Variants in ERO1A observed in about 807,000 individuals in gnomAD.
ERO1A encodes ERO1-like protein alpha.
ERO1A carries 49 observed loss-of-function variants against 76.9 expected under a neutral mutation model. The ratio of observed to expected loss-of-function variants is 0.64; its 90% CI spans 0.51 to 0.81. The LOEUF (loss-of-function observed/expected upper bound fraction) is 0.81. ERO1A is among the 30% of genes least tolerant of loss of function. ERO1A has a pLI of 0.00. For synonymous variants in ERO1A, 174 were observed against 181.2 expected (o/e 0.96, Z 0.32); for missense variants, 448 against 542.1 (o/e 0.83, Z 1.72).
rs761716281 is a variant in ERO1A at position 52,653,308 on chromosome 14, C to A, written c.816G>T (p.Trp272Cys). 6.3e-7 allele frequency: 1 copy of A among 1,590,874 alleles called. No homozygotes were observed. The highest frequency in any genetic ancestry group is 8.5e-7 in the Non-Finnish European group (1 of 1,171,468). Residue 272 changes from tryptophan to cysteine, a missense_variant, in exon 12 of 16, where the codon TGG becomes TGT. By Grantham distance (215) the Trp-to-Cys change is radical (BLOSUM62 -2). Coordinates refer to ENST00000395686, the MANE Select transcript of ERO1A (RefSeq NM_014584.3). ...LSARYLLQET[W>C]LEKKWGHNIT... is the part of the protein sequence containing the mutation. ...TGTTGTGTCCCCATTTCTTTTCTAA[C>A]CAGGTCTCTAAGAAGGAAGAAGAAT...
At chr14:52,656,193 ATAAGAT>A (rs1175323906) in intron 11 of ERO1A, among the ~76,000 whole-genome samples, 5 of 152,184 alleles carry the variant, frequency 3.3e-5, no homozygotes, top group African/African-American at 1.2e-4. Flanking sequence ...CTCTACTTCA[ATAAGAT>A]TAAGTTTTTT....
At chr14:52,685,527 C>T (rs1480294133) in intron 1 of ERO1A, among the ~76,000 whole-genome samples, 1 of 152,120 alleles carries the variant, frequency 6.6e-6, no homozygotes, top group East Asian at 1.9e-4. Flanking sequence ...GCTGTTTCTC[C>T]CCTTTGATAT....
chr14:52,656,711 CA>C (rs34369320), intron 11 of ERO1A, among the ~76,000 whole-genome samples: 44,661 of 103,566 alleles, frequency 0.43, 6,968 homozygotes, highest in Middle Eastern at 0.56. Context: ...GACTCTGTCT[CA>C]AAAAAAAAAA....
intron 6 of ERO1A, among the ~76,000 whole-genome samples, chr14:52,670,590 C>G (rs975252188): frequency 1.3e-5 from 2 of 152,158 alleles, no homozygotes; most frequent in Non-Finnish European, 2.9e-5. Flanking sequence ...ACAGCAGCAG[C>G]ACTCTGGCTT....
At chr14:52,654,583 C>A (rs536213207) in intron 11 of ERO1A, among the ~76,000 whole-genome samples, 3 of 152,190 alleles carry the variant, frequency 2.0e-5, no homozygotes, top group Admixed American at 2.0e-4. Context: ...GTAACGGATG[C>A]TCCATGATAA....
At position 52,695,510 on chromosome 14, in the gene ERO1A, C is replaced by G. The variant is rs2041528679; in HGVS notation, c.-29G>C. 1 of 1,441,952 alleles carries G rather than the reference C, an allele frequency of 6.9e-7. No homozygotes were observed. The highest frequency in any genetic ancestry group is 2.3e-5 in the Admixed American group (1 of 43,606). 89.3% of individuals were successfully genotyped at this position (1,441,952 alleles called of 1,614,324 possible). ...AGCTCCGGCAGCTTGTCGCCCCACG[C>G]TTGGGAGGCCAGTCCGCACGCTCGG... On this transcript the variant is annotated 5_prime_UTR_variant, in exon 1 of 16. Transcript: ENST00000395686.
chr14:52,677,544 G>C (rs1410548905), intron 4 of ERO1A, among the ~76,000 whole-genome samples: 1 of 152,020 alleles, frequency 6.6e-6, no homozygotes, highest in Non-Finnish European at 1.5e-5. Context: ...TGGGATCCTA[G>C]AACAGGTAAA....
Position 52,695,519 on chromosome 14 carries a change from C to T in ERO1A, c.-38G>A. ...AGCTTGTCGCCCCACGCTTGGGAGG[C>T]CAGTCCGCACGCTCGGTCGCGGGCC... On this transcript the variant is annotated 5_prime_UTR_variant, in exon 1 of 16. Transcript: ENST00000395686. 22 of 1,403,368 alleles carry T rather than the reference C, an allele frequency of 1.6e-5. No homozygotes were observed. The highest frequency in any genetic ancestry group is 2.1e-5 in the Non-Finnish European group (22 of 1,051,990). The allele number at this position is 1,403,368 out of a possible 1,614,324, so 86.9% of individuals were successfully genotyped here.
chr14:52,652,258 T>C lies in ERO1A; in HGVS notation c.1106A>G (p.Lys369Arg), dbSNP rs779210741. 6.2e-7 allele frequency: 1 copy of C among 1,608,764 alleles called. No homozygotes were observed. The highest frequency in any genetic ancestry group is 1.1e-5 in the South Asian group (1 of 90,928). Residue 369 changes from lysine to arginine, a missense_variant, in exon 13 of 16, where the codon AAA becomes AGA. Physicochemically the swap from Lys to Arg is conservative, Grantham distance 26. This residue lies in a region of ERO1A where 302 missense variants were observed against 411.9 expected (regional missense o/e 0.73). Transcript: ENST00000395686. ...DENSFFAGDK[K>R]EAHKLKEDFR... ...AATTACCTTTAGTTTGTGTGCTTCTTTTTTATCCCCAGCAAAAAATGAATT... is the reference window on the plus strand; with the variant it reads ...AATTACCTTTAGTTTGTGTGCTTCTCTTTTATCCCCAGCAAAAAATGAATT...
At chr14:52,685,674 G>A (rs1344683397) in intron 1 of ERO1A, among the ~76,000 whole-genome samples, 3 of 152,078 alleles carry the variant, frequency 2.0e-5, no homozygotes, top group African/African-American at 2.4e-5. Context: ...TCTTCCCCCT[G>A]AGGAATTCAT....
At chr14:52,659,433 T>A (rs182364983) in intron 9 of ERO1A, among the ~76,000 whole-genome samples, 244 of 152,314 alleles carry the variant, frequency 1.6e-3, no homozygotes, top group Non-Finnish European at 2.7e-3. Context: ...GAAGCGTATC[T>A]GGTAGTAACT....
At chr14:52,686,936 A>G (rs1008333047) in intron 1 of ERO1A, among the ~76,000 whole-genome samples, 3 of 152,282 alleles carry the variant, frequency 2.0e-5, no homozygotes, top group East Asian at 1.9e-4. Flanking sequence ...CTTAACTACA[A>G]CCACAGGTAG....
intron 4 of ERO1A, among the ~76,000 whole-genome samples, chr14:52,673,265 AT>A (rs987022153): frequency 2.0e-5 from 3 of 151,818 alleles, no homozygotes; most frequent in African/African-American, 7.2e-5. Context: ...AATTTTTTAA[AT>A]TTTTTTAGAT....
At chr14:52,672,669 T>A (rs146548360) in intron 4 of ERO1A, among the ~76,000 whole-genome samples, 1 of 150,706 alleles carries the variant, frequency 6.6e-6, no homozygotes. Flanking sequence ...ACTCAGGAAG[T>A]TGAGGTGGCA....
rs1444907689 is a variant in ERO1A, at chr14:52,646,065, G to C, written c.1346+89C>G. 1.8e-5 allele frequency: 25 copies of C among 1,353,860 alleles called. No homozygotes were observed. The East Asian group carries it at 5.2e-4, about 28-fold the overall frequency. 83.9% of individuals were successfully genotyped at this position (1,353,860 alleles called of 1,614,324 possible). A position where few individuals can be genotyped will look rare whatever the true frequency, so the allele number is the denominator to read the frequency against. On this transcript the variant is annotated intron_variant, in intron 15 of 15. Coordinates refer to ENST00000395686, the MANE Select transcript of ERO1A (RefSeq NM_014584.3). ...ATAAATAAACAAATAAAATAAAAAG[G>C]ATATTCCTTACCCAGTTTTTTCTGA...
chr14:52,658,351 G>A, intron 9 of ERO1A: 1 of 523,792 alleles, frequency 1.9e-6, no homozygotes, highest in Non-Finnish European at 3.4e-6. Context: ...CTGCTGCTTG[G>A]TCTTTAAAAG....
At chr14:52,656,756 C>T (rs1419589351) in intron 11 of ERO1A, among the ~76,000 whole-genome samples, 1 of 150,320 alleles carries the variant, frequency 6.7e-6, no homozygotes, top group Non-Finnish European at 1.5e-5. Context: ...TGAGTTTAAA[C>T]CGCCATTTAA....
chr14:52,687,824 C>T (rs111705167), intron 1 of ERO1A, among the ~76,000 whole-genome samples: 1 of 152,084 alleles, frequency 6.6e-6, no homozygotes, highest in Non-Finnish European at 1.5e-5. Context: ...GATAAGAAGG[C>T]CCCAGTTGAG....
chr14:52,679,291 C>T (rs2040907044), intron 3 of ERO1A, among the ~76,000 whole-genome samples: 1 of 152,180 alleles, frequency 6.6e-6, no homozygotes, highest in Admixed American at 6.5e-5. Flanking sequence ...TCTGCTATTC[C>T]ACACTCCCCA....
Sources: allele counts gnomAD v4.1 joint callset (sites outside exome capture counted in the v4.1 genomes callset), GRCh38; gene constraint gnomAD v4.1.1; regional missense constraint gnomAD v4.1.1; transcripts MANE v1.5; gene names NCBI Gene and HGNC (gene_info 2026-07-23, HGNC 2026-07-21).